The following LHX3 variants were observed in gnomAD, a reference collection of about 807,000 sequenced individuals.
The protein encoded by LHX3 is LIM/homeobox protein Lhx3.
A neutral mutation model predicts 32.4 loss-of-function variants in LHX3; 21 were observed. The ratio of observed to expected loss-of-function variants is 0.65; its 90% CI spans 0.46 to 0.93. The LOEUF is 0.93. Ranked by LOEUF, LHX3 falls within the 40% of genes least tolerant of loss-of-function variation. The pLI, the probability that LHX3 is intolerant of heterozygous loss-of-function variation, is 0.00. For synonymous variants in LHX3, 258 were observed against 246.8 expected (o/e 1.05, Z -0.43); for missense variants, 626 against 560.0 (o/e 1.12, Z -1.19).
intron 1 of LHX3, among the ~76,000 whole-genome samples, chr9:136,203,731 G>A (rs1161466811): frequency 6.6e-6 from 1 of 152,208 alleles, no homozygotes; most frequent in African/African-American, 2.4e-5. Flanking sequence ...CTGTGTCCTG[G>A]ACACGCAGCC....
rs1028904260 is a variant in LHX3, at chr9:136,198,721, C to A, written c.706G>T (p.Gly236Cys). The A allele has an allele frequency of 6.2e-7, 1 of 1,611,544 alleles. No homozygotes were observed. The highest frequency in any genetic ancestry group is 8.5e-7 in the Non-Finnish European group (1 of 1,179,802). Residue 236 changes from glycine to cysteine, a missense_variant, in exon 5 of 6, where the codon GGC becomes TGC. Gly to Cys is a radical substitution (Grantham distance 159). Coordinates refer to ENST00000371748, the MANE Select transcript of LHX3 (RefSeq NM_178138.6). Reference protein sequence around the residue: ...QYFRNMKRSRGGSKSDKDSVQ... With the variant: ...QYFRNMKRSRCGSKSDKDSVQ... ...CTGTCCTTGTCCGACTTGGAGCCGCCGCGGGAGCGCTTCATGTTGCGGAAA... is the reference window on the plus strand; with the variant it reads ...CTGTCCTTGTCCGACTTGGAGCCGCAGCGGGAGCGCTTCATGTTGCGGAAA...
At chr9:136,202,921 G>T (rs754484898) in intron 1 of LHX3, 1 of 1,531,624 alleles carries the variant, frequency 6.5e-7, no homozygotes, top group Non-Finnish European at 8.7e-7. Flanking sequence ...TCTCCCCGGT[G>T]CAGCCACTCG....
chr9:136,198,790 TCTC>T lies in LHX3; in HGVS notation c.634_636del (p.Glu212del). On this transcript the variant is annotated inframe_deletion, in exon 5 of 6. Transcript: ENST00000371748. ...CGGCCGGCGTCCTTCTTCAGCCTCT[TCTC>T]CTTGGCCCGGCGGTTCTGGAACCAA... The T allele has an allele frequency of 2.5e-6, 4 of 1,609,878 alleles. No individual in the cohort carries two copies. The highest frequency in any genetic ancestry group is 2.2e-5 in the East Asian group (1 of 44,762).
rs1440011996 is a variant in LHX3, at chr9:136,198,969, G to T, written c.545C>A (p.Pro182Gln). The change falls in exon 4 of 6, where the codon CCG (proline) becomes CAG (glutamine). Residue 182 changes from proline (P) to glutamine (Q), a missense_variant. By Grantham distance (76) the Pro-to-Gln change is moderately conservative (BLOSUM62 -1). Transcript: ENST00000371748. ...LKSAYNTSPK[P>Q]ARHVREQLSS... ...GAGCTGCTCGCGCACGTGGCGCGCCGGCTTGGGCGAGGTGTTGTAAGCGCT... is the reference window on the plus strand; with the variant it reads ...GAGCTGCTCGCGCACGTGGCGCGCCTGCTTGGGCGAGGTGTTGTAAGCGCT... 2.1e-5 allele frequency: 33 copies of T among 1,590,478 alleles called. No homozygotes were observed. The highest frequency in any genetic ancestry group is 2.6e-5 in the Non-Finnish European group (30 of 1,172,520).
intron 1 of LHX3, chr9:136,201,593 C>T (rs1831640639): frequency 1.9e-6 from 2 of 1,025,762 alleles, no homozygotes; most frequent in South Asian, 9.2e-5. Flanking sequence ...GAGGAGTGCC[C>T]GCTGAAGGGA....
chr9:136,197,547 C>T lies in LHX3; in HGVS notation c.972G>A (p.Pro324=), dbSNP rs1003988582. ...GGGGCTGGGGGCCAGGGAGGCTCTG[C>T]GGGGCGGCGGGGGATGGGGGGACAC... ...PYGVPPSPAA[P]QSLPGPQPLL... The change falls in exon 6 of 6, where the codon CCG becomes CCA. Residue 324 remains proline, a synonymous_variant. Transcript: ENST00000371748. The T allele has an allele frequency of 3.6e-6, 5 of 1,371,720 alleles. No individual in the cohort carries two copies. Among genetic ancestry groups the T allele is most frequent in the Non-Finnish European group, 5.0e-6 (5 of 1,006,712 alleles). The allele number at this position is 1,371,720 out of a possible 1,614,324, so 85.0% of individuals were successfully genotyped here. A position where few individuals can be genotyped will look rare whatever the true frequency, so the allele number is the denominator to read the frequency against.
chr9:136,203,415 GC>G (rs1831693889), intron 1 of LHX3, among the ~76,000 whole-genome samples: 1 of 152,190 alleles, frequency 6.6e-6, no homozygotes, highest in Non-Finnish European at 1.5e-5. Context: ...AGCTTCCTGC[GC>G]CGGAGCGGCC....
At chr9:136,204,201 C>T (rs1380532253) in intron 1 of LHX3, among the ~76,000 whole-genome samples, 3 of 152,238 alleles carry the variant, frequency 2.0e-5, no homozygotes, top group Non-Finnish European at 4.4e-5. Flanking sequence ...GCACAAGAAA[C>T]CACAGTCCCT....
intron 2 of LHX3, 40 bp downstream of exon 2, chr9:136,200,542 G>A (rs764363631): frequency 1.2e-5 from 19 of 1,602,712 alleles, no homozygotes; most frequent in Admixed American, 1.7e-5. Flanking sequence ...GGGCAGGCGT[G>A]CCCTCCGCTC....
chr9:136,198,321 TCTC>T (rs1831545139), intron 5 of LHX3, among the ~76,000 whole-genome samples: 1 of 152,134 alleles, frequency 6.6e-6, no homozygotes, highest in Non-Finnish European at 1.5e-5. Context: ...CACTGCCCAT[TCTC>T]CTAAAAATCA....
intron 1 of LHX3, among the ~76,000 whole-genome samples, chr9:136,202,165 C>T (rs565644087): frequency 5.2e-4 from 79 of 152,296 alleles, no homozygotes; most frequent in African/African-American, 1.9e-3. Context: ...CTCTCCGCCC[C>T]CCAGCCCCCG....
At position 136,197,583 on chromosome 9, in the gene LHX3, G is replaced by A. The variant is rs1588624094; in HGVS notation, c.936C>T (p.Gly312=). The A allele has an allele frequency of 6.5e-7, 1 of 1,538,392 alleles. No homozygotes were observed. The highest frequency in any genetic ancestry group is 2.0e-5 in the Admixed American group (1 of 50,930). ...GGGATGGGGGGACACCGTAGGGGCT[G>A]CCGGGACGCAGCTCTCGGTACTGCT... The part of the protein sequence containing the change: ...GPEQYRELRP[G]SPYGVPPSPA... Residue 312 remains glycine (G), a synonymous_variant, in exon 6 of 6, where the codon GGC becomes GGT. Coordinates refer to ENST00000371748, the MANE Select transcript of LHX3 (RefSeq NM_178138.6).
At chr9:136,202,803 G>A (rs1001405592) in intron 1 of LHX3, 11 of 964,338 alleles carry the variant, frequency 1.1e-5, no homozygotes, top group African/African-American at 9.8e-5. Flanking sequence ...TACAGGCTGA[G>A]GCGCCCAGGC....
chr9:136,202,648 G>A (rs1349791489), intron 1 of LHX3, among the ~76,000 whole-genome samples: 1 of 151,870 alleles, frequency 6.6e-6, no homozygotes, highest in East Asian at 1.9e-4. Flanking sequence ...TGCTCCCTGC[G>A]CCTCCTCCAG....
Position 136,200,657 on chromosome 9 carries a change from C to T in LHX3, c.176G>A (p.Ser59Asn). ...RHWHSKCLKC[S>N]DCHTPLAERC... ...CTCGGCCAGTGGCGTGTGGCAGTCG[C>T]TGCACTTGAGACACTTGCTGTGCCA... Residue 59 changes from serine to asparagine, a missense_variant, in exon 2 of 6, where the codon AGC becomes AAC. By Grantham distance (46) the Ser-to-Asn change is conservative. Transcript: ENST00000371748. 2 of 1,613,644 alleles carry T rather than the reference C, an allele frequency of 1.2e-6. No individual in the cohort carries two copies. The highest frequency in any genetic ancestry group is 1.7e-6 in the Non-Finnish European group (2 of 1,180,038).
rs2131028179 is a variant in LHX3, at chr9:136,196,381, C to T, written c.*944G>A. 1 of 152,468 alleles carries T rather than the reference C, an allele frequency of 6.6e-6. No homozygotes were observed. Among genetic ancestry groups the T allele is most frequent in the East Asian group, 1.9e-4 (1 of 5,326 alleles). The allele number at this position is 152,468 out of a possible 1,614,324, so 9.4% of individuals were successfully genotyped here. A position where few individuals can be genotyped will look rare whatever the true frequency, so the allele number is the denominator to read the frequency against. On this transcript the variant is annotated 3_prime_UTR_variant, in exon 6 of 6. Coordinates refer to ENST00000371748, the MANE Select transcript of LHX3 (RefSeq NM_178138.6). Reference sequence around the variant, plus strand: ...GGTTTGCGGGAGTGACTTTGACTTACACACAGGCCAGCCTTTGTGTCTGGG... The same window carrying T: ...GGTTTGCGGGAGTGACTTTGACTTATACACAGGCCAGCCTTTGTGTCTGGG...
intron 1 of LHX3, among the ~76,000 whole-genome samples, chr9:136,202,428 C>CT (rs1831663981): frequency 6.6e-6 from 1 of 152,162 alleles, no homozygotes; most frequent in African/African-American, 2.4e-5. Context: ...AGAAGAGAGG[C>CT]TTTTTCCTAC....
In LHX3 at chr9:136,201,379, C is replaced by A. The variant is rs1162835526; in HGVS notation, c.80-626G>T. The A allele has an allele frequency of 2.4e-6, 3 of 1,237,440 alleles. No homozygotes were observed. The South Asian group carries it at 1.2e-4, about 50-fold the overall frequency. The allele number at this position is 1,237,440 out of a possible 1,614,324, so 76.7% of individuals were successfully genotyped here. ...ACTGCCTTTGTGTCAGGCGTGGGTG[C>A]CCCCAACACCGTCAGAGTTACTCAA... On this transcript the variant is annotated intron_variant, in intron 1 of 5. Coordinates refer to ENST00000371748, the MANE Select transcript of LHX3 (RefSeq NM_178138.6).
rs749445520 is a variant in LHX3, at chr9:136,199,667, CCT to C, written c.454+9_454+10del. On this transcript the variant is annotated intron_variant, in intron 3 of 5. Coordinates refer to ENST00000371748, the MANE Select transcript of LHX3 (RefSeq NM_178138.6). Reference sequence around the variant, plus strand: ...ACCAGGAAAGGTGGGAGCGTCGTCCCCTCGGCTGACCTCGCTGCTTGGCGGTT... The same window carrying C: ...ACCAGGAAAGGTGGGAGCGTCGTCCCCGGCTGACCTCGCTGCTTGGCGGTT... 3.7e-6 allele frequency: 6 copies of C among 1,612,648 alleles called. No homozygotes were observed. The highest frequency in any genetic ancestry group is 8.5e-7 in the Non-Finnish European group (1 of 1,179,656).
Sources: gnomAD v4.1 joint callset for allele counts (sites outside exome capture counted in the v4.1 genomes callset) on GRCh38, gnomAD v4.1.1 for gene constraint, MANE v1.5 for transcripts, NCBI Gene and HGNC (gene_info 2026-07-23, HGNC 2026-07-21) for gene names.